The following PPP1R3C variants were observed in gnomAD, a reference collection of about 807,000 sequenced individuals.
The protein encoded by PPP1R3C is PP1 subunit R5.
A neutral mutation model predicts 29.3 loss-of-function variants in PPP1R3C; 20 were observed. That is an observed-to-expected ratio of 0.68 (90% CI 0.48 to 0.99). The LOEUF (loss-of-function observed/expected upper bound fraction) is 0.99, where lower values mean the gene tolerates loss of function less well. PPP1R3C is among the 50% of genes least tolerant of loss of function. The pLI, the probability that PPP1R3C is intolerant of heterozygous loss-of-function variation, is 0.00. For missense variants in PPP1R3C, 321 were observed against 386.0 expected (o/e 0.83, Z 1.41); for synonymous variants, 123 against 143.1 (o/e 0.86, Z 1.00).
In PPP1R3C at chr10:91,632,936, CAG is replaced by C. The variant is rs1249274613; in HGVS notation, c.14+18_14+19del. ...CGCGTTCCCCTGTGTTCCTAGCGCG[CAG>C]AGTTGCAGCGAACCTACCTGGTGCA... On this transcript the variant is annotated intron_variant, in intron 1 of 1. Transcript: ENST00000238994. 1.2e-6 allele frequency: 2 copies of C among 1,611,126 alleles called. No individual in the cohort carries two copies. Among genetic ancestry groups the C allele is most frequent in the Non-Finnish European group, 1.7e-6 (2 of 1,178,886 alleles).
chr10:91,631,182 G>C (rs1848714681), intron 1 of PPP1R3C, among the ~76,000 whole-genome samples: 1 of 152,228 alleles, frequency 6.6e-6, no homozygotes, highest in African/African-American at 2.4e-5. Context: ...TGTGTGCTCT[G>C]TTCTGGACCA....
At chr10:91,631,540 T>C (rs977868830) in intron 1 of PPP1R3C, among the ~76,000 whole-genome samples, 1 of 148,766 alleles carries the variant, frequency 6.7e-6, no homozygotes, top group Non-Finnish European at 1.5e-5. Flanking sequence ...AAAAAAAAAA[T>C]AACATGCAAC....
At position 91,629,010 on chromosome 10, in the gene PPP1R3C, G is replaced by A. The variant is rs1848684137; in HGVS notation, c.*917C>T. 6.6e-6 allele frequency: 1 copy of A among 152,202 alleles called. No homozygotes were observed. 9.4% of individuals were successfully genotyped at this position (152,202 alleles called of 1,614,324 possible). On this transcript the variant is annotated 3_prime_UTR_variant, in exon 2 of 2. Coordinates refer to ENST00000238994, the MANE Select transcript of PPP1R3C (RefSeq NM_005398.7). ...CTGTGTACAGAGTGGACCATCTTATGAGGCCAAAAACCCATGAGTTACCAG... is the reference window on the plus strand; with the variant it reads ...CTGTGTACAGAGTGGACCATCTTATAAGGCCAAAAACCCATGAGTTACCAG...
Position 91,629,586 on chromosome 10 carries a change from C to T in PPP1R3C, c.*341G>A, listed in dbSNP as rs12261209. ...TCACACATTCCTCATACCATTAACA[C>T]AGCTTTCCATCACCATCAGCCATCC... is the stretch of plus-strand genomic sequence containing the variant. On this transcript the variant is annotated 3_prime_UTR_variant, in exon 2 of 2. Coordinates refer to ENST00000238994, the MANE Select transcript of PPP1R3C (RefSeq NM_005398.7). The T allele has an allele frequency of 0.078, 28,651 of 366,122 alleles. 1,295 individuals carry two copies. The highest frequency in any genetic ancestry group is 0.12 in the African/African-American group (5,837 of 48,558). 22.7% of individuals were successfully genotyped at this position (366,122 alleles called of 1,614,324 possible). A position where few individuals can be genotyped will look rare whatever the true frequency, so the allele number is the denominator to read the frequency against.
In PPP1R3C at chr10:91,630,504, A is replaced by C. The variant is rs1476225971; in HGVS notation, c.377T>G (p.Leu126Ter). ...LLDLNDISSA[L>*]KHHEEKNLIL... ...CAAGTTTTTCTCCTCGTGGTGTTTT[A>C]AGGCAGAGGAGATATCATTAAGGTC... Residue 126 changes from leucine to a stop codon, truncating the protein, a stop_gained, in exon 2 of 2, where the codon TTA becomes TGA. Coordinates refer to ENST00000238994, the MANE Select transcript of PPP1R3C (RefSeq NM_005398.7). LOFTEE classifies it high-confidence loss of function. The surrounding 1 kb of genome is among the most constrained non-coding windows in gnomAD (Gnocchi z 4.4). 1 of 1,614,168 alleles carries C rather than the reference A, an allele frequency of 6.2e-7. No individual in the cohort carries two copies. Among genetic ancestry groups the C allele is most frequent in the Admixed American group, 1.7e-5 (1 of 60,026 alleles).
intron 1 of PPP1R3C, among the ~76,000 whole-genome samples, chr10:91,632,533 T>C (rs750907488): frequency 1.3e-5 from 2 of 152,122 alleles, no homozygotes; most frequent in African/African-American, 2.4e-5. Context: ...TATGGCAAAC[T>C]GTGATAAGAA....
In PPP1R3C at chr10:91,630,983, G is replaced by A. The variant is rs1848712524; in HGVS notation, c.15-117C>T. The A allele has an allele frequency of 1.2e-6, 1 of 856,050 alleles. No individual in the cohort carries two copies. Among genetic ancestry groups the A allele is most frequent in the African/African-American group, 1.7e-5 (1 of 60,278 alleles). The allele number at this position is 856,050 out of a possible 1,614,324, so 53.0% of individuals were successfully genotyped here. ...ATTATAGCCAGTGCACTAGATATCA[G>A]GCAGGTGCTATCATATGTAGTAAAA... On this transcript the variant is annotated intron_variant, in intron 1 of 1. Transcript: ENST00000238994. This position sits in a 1 kb window ranked among gnomAD's most constrained non-coding sequence, Gnocchi z 4.4.
chr10:91,632,400 GT>G (rs1027282991), intron 1 of PPP1R3C, among the ~76,000 whole-genome samples: 118 of 138,502 alleles, frequency 8.5e-4, no homozygotes, highest in Admixed American at 8.0e-4. Context: ...TGGTTTTTTT[GT>G]TTTTTTTTTT....
At chr10:91,631,015 A>T in intron 1 of PPP1R3C, 149 bp from the exon 2 acceptor site, 1 of 754,288 alleles carries the variant, frequency 1.3e-6, no homozygotes, top group Non-Finnish European at 2.3e-6. Flanking sequence ...AAAAGAGAAC[A>T]GTATTAAGTG....
In PPP1R3C at chr10:91,629,938, A is replaced by G; in HGVS notation, c.943T>C (p.Ser315Pro). The part of the protein sequence containing the change: ...QSWGRMENLA[S>P]YR ...CATTGTTGCTTAATTCATCGATAAG[A>G]GGCCAAGTTCTCCATTCTCCCCCAG... Residue 315 changes from serine (S) to proline (P), a missense_variant, in exon 2 of 2, where the codon TCT (serine) becomes CCT (proline). Ser to Pro is a moderately conservative substitution (Grantham distance 74). Transcript: ENST00000238994. The G allele has an allele frequency of 1.2e-6, 2 of 1,614,166 alleles. No homozygotes were observed. Among genetic ancestry groups the G allele is most frequent in the Non-Finnish European group, 1.7e-6 (2 of 1,180,026 alleles).
Position 91,632,970 on chromosome 10 carries a change from TAGGC to T in PPP1R3C, c.-5_-2del. On this transcript the variant is annotated 5_prime_UTR_variant, in exon 1 of 2. Transcript: ENST00000238994. The stretch of plus-strand genomic sequence containing the variant: ...AGCGAACCTACCTGGTGCAGCTCAT[TAGGC>T]AGAGAGGCGGCGGACCCTAAAAGCC... 6.2e-7 allele frequency: 1 copy of T among 1,612,822 alleles called. No individual in the cohort carries two copies. The highest frequency in any genetic ancestry group is 1.1e-5 in the South Asian group (1 of 90,562).
At chr10:91,632,847 C>T (rs907118524) in intron 1 of PPP1R3C, 109 bp downstream of exon 1, 18 of 1,476,796 alleles carry the variant, frequency 1.2e-5, no homozygotes, top group African/African-American at 7.0e-5. Context: ...CACTTGTCCT[C>T]CCCCTGGGGT....
In PPP1R3C at chr10:91,629,642, G is replaced by C. The variant is rs961756095; in HGVS notation, c.*285C>G. ...CAACTTTTCCTTGCCCAACATGAAAGCTAGTGGATTGAGAGGGAAGGAAGA... is the reference window on the plus strand; with the variant it reads ...CAACTTTTCCTTGCCCAACATGAAACCTAGTGGATTGAGAGGGAAGGAAGA... On this transcript the variant is annotated 3_prime_UTR_variant, in exon 2 of 2. Coordinates refer to ENST00000238994, the MANE Select transcript of PPP1R3C (RefSeq NM_005398.7). 2.2e-6 allele frequency: 1 copy of C among 447,840 alleles called. No individual in the cohort carries two copies. The highest frequency in any genetic ancestry group is 3.5e-5 in the Admixed American group (1 of 28,350). The allele number at this position is 447,840 out of a possible 1,614,324, so 27.7% of individuals were successfully genotyped here. A position where few individuals can be genotyped will look rare whatever the true frequency, so the allele number is the denominator to read the frequency against.
intron 1 of PPP1R3C, among the ~76,000 whole-genome samples, chr10:91,632,114 G>A (rs1848723333): frequency 2.0e-5 from 3 of 152,038 alleles, no homozygotes; most frequent in South Asian, 4.1e-4. Context: ...TACTGTACAC[G>A]ACATTTCTCA....
In PPP1R3C at chr10:91,628,750, C is replaced by T. The variant is rs1029442472; in HGVS notation, c.*1177G>A. ...ATAATACAAAACATTCAAAACAAGT[C>T]ACATCCATTTTTTTAAAAAAAAGAA... On this transcript the variant is annotated 3_prime_UTR_variant, in exon 2 of 2. Transcript: ENST00000238994. The T allele has an allele frequency of 1.3e-5, 2 of 152,280 alleles. No homozygotes were observed. Among genetic ancestry groups the T allele is most frequent in the African/African-American group, 2.4e-5 (1 of 41,404 alleles). 9.4% of individuals were successfully genotyped at this position (152,280 alleles called of 1,614,324 possible). A position where few individuals can be genotyped will look rare whatever the true frequency, so the allele number is the denominator to read the frequency against.
chr10:91,631,246 T>C (rs1848715121), intron 1 of PPP1R3C, among the ~76,000 whole-genome samples: 1 of 152,214 alleles, frequency 6.6e-6, no homozygotes, highest in African/African-American at 2.4e-5. Flanking sequence ...TTTCTTTCTT[T>C]CTTGTCTTTC....
intron 1 of PPP1R3C, among the ~76,000 whole-genome samples, chr10:91,632,749 T>A (rs897579106): frequency 6.6e-6 from 1 of 152,132 alleles, no homozygotes; most frequent in Admixed American, 6.5e-5. Flanking sequence ...AGATGCTGAT[T>A]ACTAAAATAG....
intron 1 of PPP1R3C, among the ~76,000 whole-genome samples, chr10:91,631,139 C>G (rs1848714114): frequency 6.6e-6 from 1 of 152,144 alleles, no homozygotes; most frequent in Non-Finnish European, 1.5e-5. Context: ...TAAAAGGGTT[C>G]GATTTGATTA....
chr10:91,632,987 G>T lies in PPP1R3C; in HGVS notation c.-18C>A. 1 of 1,611,600 alleles carries T rather than the reference G, an allele frequency of 6.2e-7. No individual in the cohort carries two copies. Among genetic ancestry groups the T allele is most frequent in the Non-Finnish European group, 8.5e-7 (1 of 1,179,064 alleles). ...CAGCTCATTAGGCAGAGAGGCGGCG[G>T]ACCCTAAAAGCCAGCACCCGCTGCC... On this transcript the variant is annotated 5_prime_UTR_variant, in exon 1 of 2. Transcript: ENST00000238994.
Sources: allele counts gnomAD v4.1 joint callset (sites outside exome capture counted in the v4.1 genomes callset), GRCh38; gene constraint gnomAD v4.1.1; non-coding constraint Gnocchi (gnomAD v3.1); transcripts MANE v1.5; gene names NCBI Gene and HGNC (gene_info 2026-07-23, HGNC 2026-07-21).